The following LIPE variants were observed in gnomAD, a reference collection of about 807,000 sequenced individuals.
LIPE encodes lipase E, hormone sensitive type, also known as hormone-sensitive lipase.
In LIPE, 66 loss-of-function variants were observed where a neutral mutation model predicts 88.5. That is an observed-to-expected ratio of 0.75 (90% confidence interval 0.61 to 0.91). The LOEUF (loss-of-function observed/expected upper bound fraction) is 0.91. Ranked by LOEUF, LIPE falls within the 40% of genes least tolerant of loss-of-function variation. LIPE has a pLI of 0.00. For synonymous variants in LIPE, 570 were observed against 617.5 expected (o/e 0.92, Z 1.14); for missense variants, 1,346 against 1,434.7 (o/e 0.94, Z 1.00).
At chr19:42,423,524 C>G in intron 1 of LIPE, 3 of 1,262,042 alleles carry the variant, frequency 2.4e-6, no homozygotes, top group Non-Finnish European at 3.1e-6. Flanking sequence ...TCCGTTCCCC[C>G]GGCCAACTCC....
rs777650018 is a variant in LIPE, at chr19:42,410,293, G to A, written c.1419+14C>T. ...TCATTGTGGGCCCAGAGGGGCACGG[G>A]GCAGGGGGCTCACCTGGAAGCCCAG... On this transcript the variant is annotated intron_variant, in intron 2 of 9. Coordinates refer to ENST00000244289, the MANE Select transcript of LIPE (RefSeq NM_005357.4). The surrounding 1 kb of genome is among the most constrained non-coding windows in gnomAD (Gnocchi z 6.1). The A allele has an allele frequency of 8.1e-5, 126 of 1,551,342 alleles. No individual in the cohort carries two copies. The highest frequency in any genetic ancestry group is 1.1e-4 in the Non-Finnish European group (126 of 1,146,550).
At chr19:42,404,355 T>G (rs2040100170) in intron 8 of LIPE, among the ~76,000 whole-genome samples, 1 of 152,000 alleles carries the variant, frequency 6.6e-6, no homozygotes, top group East Asian at 1.9e-4. Flanking sequence ...CTCAGCCTCC[T>G]GAGTAGCTGG....
chr19:42,424,952 G>A (rs779289775), intron 1 of LIPE: 65 of 296,976 alleles, frequency 2.2e-4, no homozygotes, highest in Non-Finnish European at 3.6e-4. Context: ...ATCCTCTGAT[G>A]CTGCTCCCCC....
intron 1 of LIPE, among the ~76,000 whole-genome samples, chr19:42,425,975 T>C (rs1329493133): frequency 6.6e-6 from 1 of 152,048 alleles, no homozygotes; most frequent in African/African-American, 2.4e-5. Flanking sequence ...CTAATTTTTG[T>C]ATTTTTAGTA....
rs752707267 is a variant in LIPE, at chr19:42,403,044, GAGCA to G, written c.2543-17_2543-14del. On this transcript the variant is annotated splice_polypyrimidine_tract_variant and intron_variant, in intron 8 of 9. Coordinates refer to ENST00000244289, the MANE Select transcript of LIPE (RefSeq NM_005357.4). ...CGGCGCATCGGCTCTGAGAGAGGGA[GAGCA>G]GATAGGCCTGGCTCCGTTAGTTTGG... The G allele has an allele frequency of 5.9e-6, 9 of 1,532,936 alleles. No homozygotes were observed. The African/African-American group carries it at 6.9e-5, about 12-fold the overall frequency. 95.0% of individuals were successfully genotyped at this position (1,532,936 alleles called of 1,614,324 possible). A position where few individuals can be genotyped will look rare whatever the true frequency, so the allele number is the denominator to read the frequency against.
In LIPE at chr19:42,401,910, C is replaced by A; in HGVS notation, c.3133G>T (p.Glu1045Ter). 1 of 1,551,630 alleles carries A rather than the reference C, an allele frequency of 6.4e-7. No individual in the cohort carries two copies. Among genetic ancestry groups the A allele is most frequent in the Non-Finnish European group, 8.7e-7 (1 of 1,154,154 alleles). The change falls in exon 10 of 10, where the codon GAG becomes TAG. Residue 1045 changes from glutamate (E) to a stop codon, truncating the protein, a stop_gained. Coordinates refer to ENST00000244289, the MANE Select transcript of LIPE (RefSeq NM_005357.4). LOFTEE classifies it low-confidence loss of function (END_TRUNC). ...GGAGTGAGGACGAGGCGGATGCGCTCCACGCACAGCTCTGCGGCCTGGCGC... is the reference window on the plus strand; with the variant it reads ...GGAGTGAGGACGAGGCGGATGCGCTACACGCACAGCTCTGCGGCCTGGCGC... Reference protein sequence around the residue: ...ETRQAAELCVERIRLVLTPPA... With the variant: ...ETRQAAELCV
Position 42,406,593 on chromosome 19 carries a change from C to T in LIPE, c.2138-205G>A, listed in dbSNP as rs1346811126. Among the ~76,000 whole-genome samples the T allele has an allele frequency of 6.6e-6, 1 of 152,168 alleles. No homozygotes were observed. The highest frequency in any genetic ancestry group is 1.9e-4 in the East Asian group (1 of 5,196). On this transcript the variant is annotated intron_variant, in intron 6 of 9. Transcript: ENST00000244289. The surrounding 1 kb of genome is among the most constrained non-coding windows in gnomAD (Gnocchi z 5.7). Reference sequence around the variant, plus strand: ...TGGTAGACAGAGGGTCAGGATGACTCAGGACCTGGAGAGGCCCAGGGAAGC... The same window carrying T: ...TGGTAGACAGAGGGTCAGGATGACTTAGGACCTGGAGAGGCCCAGGGAAGC...
At position 42,405,529 on chromosome 19, in the gene LIPE, G is replaced by T. The variant is rs1179317375; in HGVS notation, c.2398C>A (p.Gln800Lys). 6.2e-7 allele frequency: 1 copy of T among 1,614,022 alleles called. No individual in the cohort carries two copies. Among genetic ancestry groups the T allele is most frequent in the Non-Finnish European group, 8.5e-7 (1 of 1,180,014 alleles). The change falls in exon 8 of 10, where the codon CAG (glutamine) becomes AAG (lysine). Residue 800 changes from glutamine to lysine, a missense_variant. By Grantham distance (53) the Gln-to-Lys change is moderately conservative. Transcript: ENST00000244289. ...AGCCCCATCATGCCGAGGGCTTTCT[G>T]GTCTGAGTTGGAGTGGTCCTCCGTC... is the stretch of plus-strand genomic sequence containing the variant. The part of the protein sequence containing the change: ...AKTEDHSNSD[Q>K]KALGMMGLVR...
chr19:42,425,991 G>A (rs984236573), intron 1 of LIPE, among the ~76,000 whole-genome samples: 12 of 151,784 alleles, frequency 7.9e-5, no homozygotes, highest in Non-Finnish European at 1.3e-4. Context: ...TAGTAGAGAC[G>A]GTGTTTCACC....
rs1439343556 is a variant in LIPE at position 42,410,149 on chromosome 19, GCT to G, written c.1419+156_1419+157del. On this transcript the variant is annotated intron_variant, in intron 2 of 9. Coordinates refer to ENST00000244289, the MANE Select transcript of LIPE (RefSeq NM_005357.4). The surrounding 1 kb of genome is among the most constrained non-coding windows in gnomAD (Gnocchi z 6.1). ...CCATGAGTTTGAGACCCCTGGTGCA[GCT>G]CTGTCTGAGCTCCAGCCAACTTCTC... 4.6e-5 allele frequency among the ~76,000 whole-genome samples: 7 copies of G among 152,210 alleles called. No homozygotes were observed. Among genetic ancestry groups the G allele is most frequent in the Admixed American group, 4.6e-4 (7 of 15,288 alleles).
chr19:42,404,081 T>C (rs1390189760), intron 8 of LIPE, among the ~76,000 whole-genome samples: 2 of 151,382 alleles, frequency 1.3e-5, no homozygotes, highest in African/African-American at 4.8e-5. Flanking sequence ...TTTTTTTTTT[T>C]TGAGATGGAG....
Position 42,408,555 on chromosome 19 carries a change from G to A in LIPE, c.1420-233C>T, listed in dbSNP as rs1196476782. The A allele has an allele frequency of 7.8e-6, 4 of 515,388 alleles. No individual in the cohort carries two copies. Among genetic ancestry groups the A allele is most frequent in the South Asian group, 2.2e-5 (1 of 44,612 alleles). The allele number at this position is 515,388 out of a possible 1,614,324, so 31.9% of individuals were successfully genotyped here. A position where few individuals can be genotyped will look rare whatever the true frequency, so the allele number is the denominator to read the frequency against. On this transcript the variant is annotated intron_variant, in intron 2 of 9. Transcript: ENST00000244289. The surrounding 1 kb of genome is among the most constrained non-coding windows in gnomAD (Gnocchi z 4.3). Reference sequence around the variant, plus strand: ...GCGCAGTATCATGACAAGGAATGACGAATGGTTTGGAAAAAAAAAAAGGCA... The same window carrying A: ...GCGCAGTATCATGACAAGGAATGACAAATGGTTTGGAAAAAAAAAAAGGCA...
At chr19:42,412,925 C>G (rs1434308803) in intron 1 of LIPE, among the ~76,000 whole-genome samples, 2 of 152,212 alleles carry the variant, frequency 1.3e-5, no homozygotes, top group Non-Finnish European at 1.5e-5. Context: ...AGGGCAGTGC[C>G]AGGCTCAGCT....
chr19:42,402,939 A>G lies in LIPE; in HGVS notation c.2635T>C (p.Leu879=), dbSNP rs1204712407. The G allele has an allele frequency of 3.1e-6, 5 of 1,610,454 alleles. No homozygotes were observed. Among genetic ancestry groups the G allele is most frequent in the Non-Finnish European group, 4.2e-6 (5 of 1,179,930 alleles). The part of the protein sequence containing the change: ...DSLKNLTLRD[L]SLRGNSETSS... ...GTCTCGGAGTTTCCCCTCAGGCTCAAGTCCCTCAGGGTCAGGTTCTTGAGG... is the reference window on the plus strand; with the variant it reads ...GTCTCGGAGTTTCCCCTCAGGCTCAGGTCCCTCAGGGTCAGGTTCTTGAGG... Residue 879 remains leucine (L), a synonymous_variant, in exon 9 of 10, where the codon TTG becomes CTG. Transcript: ENST00000244289.
At chr19:42,411,298 T>A in intron 1 of LIPE, 3 of 985,092 alleles carry the variant, frequency 3.0e-6, no homozygotes, top group Non-Finnish European at 3.6e-6. Context: ...TGCCGGTCCT[T>A]CTTTCTTCCT....
chr19:42,423,090 C>T, intron 1 of LIPE: 1 of 271,476 alleles, frequency 3.7e-6, no homozygotes, highest in South Asian at 3.0e-5. Context: ...AAGCATTCCC[C>T]AGGTGGGAAA....
At position 42,412,459 on chromosome 19, in the gene LIPE, C is replaced by A. The variant is rs917540266; in HGVS notation, c.884-1617G>T. 18 of 985,982 alleles carry A rather than the reference C, an allele frequency of 1.8e-5. No individual in the cohort carries two copies. In the African/African-American group the frequency reaches 3.1e-4, roughly 17 times the overall value. 61.1% of individuals were successfully genotyped at this position (985,982 alleles called of 1,614,324 possible). ...TGGGGCAATAAACCCGGGGGCGGGG[C>A]TGGCCTGCCCAGGGTGTAGCCGCAC... On this transcript the variant is annotated intron_variant, in intron 1 of 9. Transcript: ENST00000244289.
At chr19:42,424,779 C>T (rs749465977) in intron 1 of LIPE, 35 of 364,580 alleles carry the variant, frequency 9.6e-5, no homozygotes, top group Admixed American at 3.9e-4. Context: ...ATAGATAAAA[C>T]TTGTATTCCC....
At position 42,408,110 on chromosome 19, in the gene LIPE, T is replaced by C. The variant is rs1187116846; in HGVS notation, c.1522A>G (p.Ser508Gly). The change falls in exon 4 of 10, where the codon AGC becomes GGC. Residue 508 changes from serine to glycine, a missense_variant. Coordinates refer to ENST00000244289, the MANE Select transcript of LIPE (RefSeq NM_005357.4). This position sits in a 1 kb window ranked among gnomAD's most constrained non-coding sequence, Gnocchi z 4.3. ...AAGCGGCCGCTGGTGAAGAGAGAGC[T>C]GGCGGCCACACCTAGGGGTCAGAAG... ...RNETGLSVAA[S>G]SLFTSGRFAI... 8 of 1,613,802 alleles carry C rather than the reference T, an allele frequency of 5.0e-6. No homozygotes were observed. The highest frequency in any genetic ancestry group is 6.8e-6 in the Non-Finnish European group (8 of 1,179,906).
Sources: gnomAD v4.1 joint callset for allele counts (sites outside exome capture counted in the v4.1 genomes callset) on GRCh38, gnomAD v4.1.1 for gene constraint, Gnocchi (gnomAD v3.1) non-coding constraint, MANE v1.5 for transcripts, NCBI Gene and HGNC (gene_info 2026-07-23, HGNC 2026-07-21) for gene names.